ZFAND3: variants seen among roughly 807,000 people sequenced by gnomAD.
The protein encoded by ZFAND3 is zinc finger AN1-type containing 3, also known as AN1-type zinc finger protein 3.
A neutral mutation model predicts 29.6 loss-of-function variants in ZFAND3; 10 were observed. The observed-to-expected ratio is 0.34, with a 90% CI of 0.21 to 0.57. ZFAND3 has a LOEUF of 0.57. Ranked by LOEUF, ZFAND3 falls within the 20% of genes least tolerant of loss-of-function variation. The probability of loss-of-function intolerance (pLI) is 0.86; values close to 1 mark genes in which losing one functional copy is unlikely to be tolerated. For synonymous variants in ZFAND3, 128 were observed against 112.6 expected, an observed-to-expected ratio of 1.14 and a Z score of -0.87; for missense variants, 230 against 304.5, an observed-to-expected ratio of 0.76 and a Z score of 1.82.
intron 1 of ZFAND3, among the ~76,000 whole-genome samples, chr6:37,826,736 CAGTG>C (rs1200672568): frequency 6.8e-6 from 1 of 147,924 alleles, no homozygotes; most frequent in Admixed American, 6.8e-5. Context: ...CTGGGCAACA[CAGTG>C]AGACTCCATC....
intron 3 of ZFAND3, among the ~76,000 whole-genome samples, chr6:38,075,459 C>G (rs573911149): frequency 6.6e-6 from 1 of 152,250 alleles, no homozygotes; most frequent in African/African-American, 2.4e-5. Flanking sequence ...GATGAGGTGA[C>G]TGAATTGCAA....
chr6:37,985,737 G>A (rs955444962), intron 2 of ZFAND3, among the ~76,000 whole-genome samples: 14 of 152,124 alleles, frequency 9.2e-5, no homozygotes, highest in African/African-American at 2.9e-4. Context: ...GGTTCACAGT[G>A]CCACCAACAT....
At chr6:37,856,192 G>C (rs1581712056) in intron 1 of ZFAND3, among the ~76,000 whole-genome samples, 1 of 151,762 alleles carries the variant, frequency 6.6e-6, no homozygotes, top group South Asian at 2.1e-4. Flanking sequence ...ACCCAGTTTC[G>C]CCATGTTGCC....
intron 1 of ZFAND3, among the ~76,000 whole-genome samples, chr6:37,928,758 C>T (rs1291900757): frequency 3.9e-5 from 6 of 152,212 alleles, no homozygotes; most frequent in South Asian, 2.1e-4. Flanking sequence ...TCAGGCATTC[C>T]GCCCACCCCT....
intron 2 of ZFAND3, among the ~76,000 whole-genome samples, chr6:38,056,592 G>A (rs1209069338): frequency 6.6e-6 from 1 of 152,192 alleles, no homozygotes; most frequent in Non-Finnish European, 1.5e-5. Flanking sequence ...GGCTTGTGAA[G>A]CAGGACAGGA....
chr6:37,917,672 G>A (rs981297776), intron 1 of ZFAND3, among the ~76,000 whole-genome samples: 5 of 152,140 alleles, frequency 3.3e-5, no homozygotes, highest in African/African-American at 9.7e-5. Context: ...ATTAAAATAG[G>A]AAATGAATAT....
chr6:38,106,378 A>G (rs1765209817), intron 4 of ZFAND3, among the ~76,000 whole-genome samples: 1 of 152,038 alleles, frequency 6.6e-6, no homozygotes, highest in Non-Finnish European at 1.5e-5. Context: ...TCAAACTCCC[A>G]ATCTCAGGTG....
chr6:38,048,303 C>T (rs1054012925), intron 2 of ZFAND3, among the ~76,000 whole-genome samples: 1 of 151,918 alleles, frequency 6.6e-6, no homozygotes, highest in Non-Finnish European at 1.5e-5. Context: ...ATGCCCGGCC[C>T]CAACATTTTT....
At chr6:38,037,396 G>A (rs566216200) in intron 2 of ZFAND3, among the ~76,000 whole-genome samples, 2 of 152,330 alleles carry the variant, frequency 1.3e-5, no homozygotes, top group East Asian at 3.9e-4. Flanking sequence ...TCATGTCAGA[G>A]TTCTGGTTTT....
chr6:37,976,584 C>CAAAAA (rs35783371), intron 2 of ZFAND3, among the ~76,000 whole-genome samples: 3 of 76,884 alleles, frequency 3.9e-5, no homozygotes, highest in East Asian at 4.5e-4. Context: ...ACACTGTCTC[C>CAAAAA]AAAAAAAAAA....
intron 4 of ZFAND3, among the ~76,000 whole-genome samples, chr6:38,106,547 A>G (rs1765213818): frequency 6.6e-6 from 1 of 152,194 alleles, no homozygotes; most frequent in African/African-American, 2.4e-5. Context: ...GAAATATAGT[A>G]ATTAAATCCA....
intron 2 of ZFAND3, among the ~76,000 whole-genome samples, chr6:38,047,209 G>A (rs1417129342): frequency 6.6e-6 from 1 of 151,836 alleles, no homozygotes; most frequent in Non-Finnish European, 1.5e-5. Flanking sequence ...CAGCTACTCA[G>A]GAGGCTGAGG....
At chr6:37,949,428 C>T (rs1392657987) in intron 2 of ZFAND3, among the ~76,000 whole-genome samples, 2 of 152,024 alleles carry the variant, frequency 1.3e-5, no homozygotes, top group Non-Finnish European at 2.9e-5. Context: ...GGGGGGGTCT[C>T]TCCCCACCAC....
At chr6:37,845,513 A>G (rs957781506) in intron 1 of ZFAND3, among the ~76,000 whole-genome samples, 4 of 152,346 alleles carry the variant, frequency 2.6e-5, no homozygotes, top group Middle Eastern at 3.4e-3. Context: ...CAGATTTCCT[A>G]GCCCCTTTTC....
intron 2 of ZFAND3, among the ~76,000 whole-genome samples, chr6:38,055,440 C>G (rs915765855): frequency 2.0e-5 from 3 of 152,142 alleles, no homozygotes; most frequent in African/African-American, 7.2e-5. Context: ...CATTAAGAGT[C>G]AAATAAAGCT....
intron 1 of ZFAND3, among the ~76,000 whole-genome samples, chr6:37,849,979 G>A (rs992738384): frequency 6.6e-6 from 1 of 152,074 alleles, no homozygotes; most frequent in Non-Finnish European, 1.5e-5. Flanking sequence ...CCTTGCTGCT[G>A]CCACCACTGC....
chr6:38,075,609 A>C (rs897439281), intron 3 of ZFAND3, among the ~76,000 whole-genome samples: 2 of 152,264 alleles, frequency 1.3e-5, no homozygotes, highest in African/African-American at 4.8e-5. Flanking sequence ...AGAATATTAC[A>C]TAAACTTAGT....
chr6:37,962,787 T>C (rs759604121), intron 2 of ZFAND3, among the ~76,000 whole-genome samples: 1 of 152,006 alleles, frequency 6.6e-6, no homozygotes, highest in Non-Finnish European at 1.5e-5. Context: ...CCTTCCACGC[T>C]GTGGAAGCTT....
chr6:37,917,771 T>C (rs1761286248), intron 1 of ZFAND3, among the ~76,000 whole-genome samples: 1 of 152,192 alleles, frequency 6.6e-6, no homozygotes, highest in African/African-American at 2.4e-5. Flanking sequence ...CAACCATTCC[T>C]TATCTAGTTT....
Sources: gnomAD v4.1 joint callset for allele counts (sites outside exome capture counted in the v4.1 genomes callset) on GRCh38, gnomAD v4.1.1 for gene constraint, MANE v1.5 for transcripts, NCBI Gene and HGNC (gene_info 2026-07-23, HGNC 2026-07-21) for gene names.